JHY: variants seen among roughly 807,000 people sequenced by gnomAD.
The protein encoded by JHY is junctional cadherin complex regulator, also known as jhy protein homolog.
A neutral mutation model predicts 78.0 loss-of-function variants in JHY; 69 were observed. The observed-to-expected ratio is 0.88, with a 90% CI of 0.73 to 1.08. The LOEUF (loss-of-function observed/expected upper bound fraction) is 1.08, where lower values mean the gene tolerates loss of function less well. JHY is among the 50% of genes least tolerant of loss of function. The pLI is 0.00. For synonymous variants in JHY, 368 were observed against 342.6 expected, an observed-to-expected ratio of 1.07 and a Z score of -0.82; for missense variants, 944 against 927.8, an observed-to-expected ratio of 1.02 and a Z score of -0.23.
At chr11:122,902,867 C>T (rs1862891646) in intron 2 of JHY, among the ~76,000 whole-genome samples, 1 of 152,192 alleles carries the variant, frequency 6.6e-6, no homozygotes, top group African/African-American at 2.4e-5. Context: ...TTGGGGATTA[C>T]AGTTCGACAT....
At chr11:122,953,225 A>G (rs1011404221) in intron 6 of JHY, among the ~76,000 whole-genome samples, 1 of 152,218 alleles carries the variant, frequency 6.6e-6, no homozygotes, top group African/African-American at 2.4e-5. Flanking sequence ...ACTAGACAAT[A>G]GAATGTTATG....
At chr11:122,885,090 G>A (rs185413143) in intron 1 of JHY, among the ~76,000 whole-genome samples, 7 of 151,788 alleles carry the variant, frequency 4.6e-5, no homozygotes, top group Admixed American at 2.0e-4. Flanking sequence ...TATTACAGGC[G>A]TGATTGTTGA....
rs1326782868 is a variant in JHY at position 122,917,328 on chromosome 11, G to T, written c.865-7569G>T. ...GTTAGTTAAGGAGAAGGTGGATAGT[G>T]CTGTAGTTGTATGTGGCTAGATTGT... On this transcript the variant is annotated intron_variant, in intron 3 of 8. Transcript: ENST00000227349. The surrounding 1 kb of genome is among the most constrained non-coding windows in gnomAD (Gnocchi z 4.1). 6.6e-6 allele frequency among the ~76,000 whole-genome samples: 1 copy of T among 152,214 alleles called. No individual in the cohort carries two copies. Among genetic ancestry groups the T allele is most frequent in the Non-Finnish European group, 1.5e-5 (1 of 68,032 alleles).
Position 122,960,325 on chromosome 11 carries a change from C to T in JHY, c.*880C>T, listed in dbSNP as rs978269214. 6.1e-6 allele frequency: 1 copy of T among 164,448 alleles called. No homozygotes were observed. The highest frequency in any genetic ancestry group is 1.4e-5 in the Non-Finnish European group (1 of 73,974). 10.2% of individuals were successfully genotyped at this position (164,448 alleles called of 1,614,324 possible). On this transcript the variant is annotated 3_prime_UTR_variant, in exon 9 of 9. Coordinates refer to ENST00000227349, the MANE Select transcript of JHY (RefSeq NM_024806.4). ...AGCTGGCTGCCTGGGTCTTCGCTGA[C>T]CATGCTGTCCTGGGTGGCACTTTCT...
intron 2 of JHY, among the ~76,000 whole-genome samples, chr11:122,901,265 GT>G (rs1409271321): frequency 3.9e-5 from 6 of 152,324 alleles, no homozygotes; most frequent in African/African-American, 1.4e-4. Flanking sequence ...ATGAATGGAG[GT>G]TGTAGGACTG....
chr11:122,958,653 A>G (rs1181261905), intron 8 of JHY: 2 of 866,074 alleles, frequency 2.3e-6, no homozygotes, highest in East Asian at 2.4e-4. Context: ...AGGTTTAGGA[A>G]TCATATTTAG....
chr11:122,941,122 C>CA (rs1863867396), intron 5 of JHY, among the ~76,000 whole-genome samples: 1 of 152,064 alleles, frequency 6.6e-6, no homozygotes, highest in African/African-American at 2.4e-5. Flanking sequence ...TCAGTTTCTC[C>CA]AAAAAACCCT....
intron 3 of JHY, among the ~76,000 whole-genome samples, chr11:122,923,752 C>T (rs1397567468): frequency 6.6e-6 from 1 of 151,842 alleles, no homozygotes; most frequent in Non-Finnish European, 1.5e-5. Flanking sequence ...GAGGCTCACT[C>T]TGTCGCCCAG....
At chr11:122,928,092 C>T (rs552398167) in intron 4 of JHY, among the ~76,000 whole-genome samples, 15 of 152,064 alleles carry the variant, frequency 9.9e-5, no homozygotes, top group Non-Finnish European at 1.2e-4. Context: ...TTCTCTACAT[C>T]CCCTACCACA....
chr11:122,941,826 T>C (rs930666360), intron 5 of JHY, among the ~76,000 whole-genome samples: 1 of 152,152 alleles, frequency 6.6e-6, no homozygotes, highest in African/African-American at 2.4e-5. Flanking sequence ...GTAAGGACCA[T>C]GACAAGAAAT....
rs199583176 is a variant in JHY, at chr11:122,886,063, G to A, written c.214G>A (p.Asp72Asn). The A allele has an allele frequency of 2.4e-5, 38 of 1,614,122 alleles. 1 individual carries two copies. In the East Asian group the frequency reaches 6.0e-4, roughly 26 times the overall value. ...AATCCGGGGCAACGGTATGGAGCCC[G>A]ACAGCTTAGACGAGGAGGAAAGCCC... ...DRIRGNGMEPDSLDEEESPRW... is the reference protein window; with the variant it reads ...DRIRGNGMEPNSLDEEESPRW... Residue 72 changes from aspartate to asparagine, a missense_variant, in exon 2 of 9, where the codon GAC becomes AAC. Coordinates refer to ENST00000227349, the MANE Select transcript of JHY (RefSeq NM_024806.4).
At chr11:122,926,379 A>G (rs1399693055) in intron 4 of JHY, among the ~76,000 whole-genome samples, 3 of 152,158 alleles carry the variant, frequency 2.0e-5, no homozygotes, top group Non-Finnish European at 2.9e-5. Context: ...AAAACTATAT[A>G]CAGTGATAAA....
At chr11:122,918,175 A>T (rs1863273482) in intron 3 of JHY, among the ~76,000 whole-genome samples, 1 of 151,580 alleles carries the variant, frequency 6.6e-6, no homozygotes, top group Admixed American at 6.6e-5. Flanking sequence ...TGCTGGGATT[A>T]CAGGTGTGAG....
At chr11:122,942,185 T>G (rs2135366717) in intron 5 of JHY, among the ~76,000 whole-genome samples, 1 of 152,194 alleles carries the variant, frequency 6.6e-6, no homozygotes, top group South Asian at 2.1e-4. Flanking sequence ...AATTCCTTTT[T>G]CAAAGCAGAA....
intron 2 of JHY, among the ~76,000 whole-genome samples, chr11:122,896,861 T>A (rs1862749942): frequency 6.6e-6 from 1 of 152,140 alleles, no homozygotes; most frequent in Non-Finnish European, 1.5e-5. Context: ...TGTTTGTTTG[T>A]TTGTTTGTTT....
At position 122,924,891 on chromosome 11, in the gene JHY, A is replaced by C; in HGVS notation, c.865-6A>C. 10 of 1,605,586 alleles carry C rather than the reference A, an allele frequency of 6.2e-6. No individual in the cohort carries two copies. Among genetic ancestry groups the C allele is most frequent in the Non-Finnish European group, 8.5e-6 (10 of 1,172,402 alleles). ...TTAACATGCTGTATGTGTTTTACCT[A>C]CCTAGATCTCCTACCCCGTCAGAGT... On this transcript the variant is annotated splice_polypyrimidine_tract_variant and splice_region_variant and intron_variant, in intron 3 of 8. Transcript: ENST00000227349.
chr11:122,955,642 T>C (rs1864175006), intron 6 of JHY, among the ~76,000 whole-genome samples: 1 of 152,230 alleles, frequency 6.6e-6, no homozygotes, highest in Non-Finnish European at 1.5e-5. Context: ...TCAAAATATC[T>C]GAAATCACAC....
intron 3 of JHY, among the ~76,000 whole-genome samples, chr11:122,920,535 A>G (rs779216430): frequency 1.4e-4 from 22 of 152,332 alleles, no homozygotes; most frequent in Non-Finnish European, 3.1e-4. Context: ...ACTGACTCAC[A>G]TACAGCTCTT....
chr11:122,890,810 T>C (rs1465181320), intron 2 of JHY, among the ~76,000 whole-genome samples: 2 of 152,214 alleles, frequency 1.3e-5, no homozygotes, highest in Non-Finnish European at 1.5e-5. Context: ...TTTTTAATGA[T>C]GAACTGTAAA....
Sources: allele counts gnomAD v4.1 joint callset (sites outside exome capture counted in the v4.1 genomes callset), GRCh38; gene constraint gnomAD v4.1.1; non-coding constraint Gnocchi (gnomAD v3.1); transcripts MANE v1.5; gene names NCBI Gene and HGNC (gene_info 2026-07-23, HGNC 2026-07-21).